Variants in TET3 observed in about 807,000 individuals in gnomAD.
TET3 encodes the protein methylcytosine dioxygenase TET3.
A neutral mutation model predicts 141.4 loss-of-function variants in TET3; 19 were observed. The observed-to-expected ratio is 0.13, with a 90% confidence interval of 0.09 to 0.20. TET3 has a LOEUF of 0.20. Ranked by LOEUF, TET3 falls within the 10% of genes least tolerant of loss-of-function variation. The pLI, the probability that TET3 is intolerant of heterozygous loss-of-function variation, is 1.00. For missense variants in TET3, 1,874 were observed against 2,356.9 expected (o/e 0.80, Z 4.24); for synonymous variants, 1,043 against 980.9 (o/e 1.06, Z -1.18).
At chr2:74,095,465 T>C (rs1409982213) in intron 10 of TET3, among the ~76,000 whole-genome samples, 3 of 152,210 alleles carry the variant, frequency 2.0e-5, no homozygotes, top group South Asian at 2.1e-4. Context: ...ATGAAAAGTA[T>C]TGTTTTTTCC....
At chr2:74,053,228 A>G (rs568217475) in intron 4 of TET3, among the ~76,000 whole-genome samples, 1 of 150,418 alleles carries the variant, frequency 6.6e-6, no homozygotes, top group Non-Finnish European at 1.5e-5. Context: ...ATATTTAAAA[A>G]TACTCATTGG....
At chr2:74,048,875 G>A (rs772604402) in intron 4 of TET3, among the ~76,000 whole-genome samples, 5 of 152,198 alleles carry the variant, frequency 3.3e-5, no homozygotes, top group Non-Finnish European at 5.9e-5. Context: ...TGGGTGAGGA[G>A]GATGGTGTCA....
At position 74,027,073 on chromosome 2, in the gene TET3, A is replaced by T. The variant is rs530980809; in HGVS notation, c.361-19205A>T. ...ACTTTCACTTGTAACCCAGTAGGGA[A>T]ATAAAAGGAGAGAGAAATGCTGATG... On this transcript the variant is annotated intron_variant, in intron 3 of 11. Coordinates refer to ENST00000409262, the MANE Select transcript of TET3 (RefSeq NM_001287491.2). Among the ~76,000 whole-genome samples, 4 of 152,328 alleles carry T rather than the reference A, an allele frequency of 2.6e-5. No individual in the cohort carries two copies. In the East Asian group the frequency reaches 7.7e-4, roughly 29 times the overall value.
intron 3 of TET3, among the ~76,000 whole-genome samples, chr2:74,039,176 G>A (rs947746910): frequency 1.3e-4 from 20 of 152,280 alleles, no homozygotes; most frequent in African/African-American, 4.8e-4. Flanking sequence ...CTGCCTTTGC[G>A]ATCAAGATAC....
chr2:74,001,524 T>C (rs1684848081), intron 2 of TET3, among the ~76,000 whole-genome samples: 1 of 152,184 alleles, frequency 6.6e-6, no homozygotes, highest in Non-Finnish European at 1.5e-5. Context: ...GAGAGGTAAG[T>C]TACAACCAGC....
intron 4 of TET3, among the ~76,000 whole-genome samples, chr2:74,065,962 G>T (rs4578887): frequency 0.34 from 52,116 of 151,766 alleles, 10,158 homozygotes; most frequent in African/African-American, 0.53. Flanking sequence ...TTTCACTGTG[G>T]TAGCCAAAAT....
At chr2:74,061,355 TGGCCGGGTGGGG>T (rs1423533426) in intron 4 of TET3, among the ~76,000 whole-genome samples, 1 of 109,174 alleles carries the variant, frequency 9.2e-6, no homozygotes, top group African/African-American at 3.8e-5. Context: ...ACGGGGCGGC[TGGCCGGGTGGGG>T]GGCTGACCCC....
the TET3 span, among the ~76,000 whole-genome samples, chr2:74,118,274 T>G: frequency 6.6e-6 from 1 of 152,326 alleles, no homozygotes; most frequent in East Asian, 1.9e-4. Context: ...ATGGTGGAAG[T>G]GCTCCCGAGA....
intron 3 of TET3, among the ~76,000 whole-genome samples, chr2:74,032,414 G>A (rs1051980772): frequency 6.6e-6 from 1 of 151,964 alleles, no homozygotes; most frequent in Non-Finnish European, 1.5e-5. Context: ...CATGGGGCTT[G>A]GGCGATGGCC....
At chr2:74,097,195 G>GCACACACGCACA (rs1553435450) in intron 10 of TET3, among the ~76,000 whole-genome samples, 2 of 137,960 alleles carry the variant, frequency 1.4e-5, no homozygotes, top group Non-Finnish European at 3.1e-5. Flanking sequence ...AGCCATACAT[G>GCACACACGCACA]CACACACACA....
intron 4 of TET3, among the ~76,000 whole-genome samples, chr2:74,056,484 A>G (rs2103780873): frequency 6.6e-6 from 1 of 152,264 alleles, no homozygotes; most frequent in East Asian, 1.9e-4. Flanking sequence ...CAAAAATTGG[A>G]TTTTGCTCTC....
intron 4 of TET3, among the ~76,000 whole-genome samples, chr2:74,066,121 C>G (rs1004768471): frequency 6.6e-6 from 1 of 152,184 alleles, no homozygotes; most frequent in Non-Finnish European, 1.5e-5. Flanking sequence ...GGGGTACTTA[C>G]AGCTACTAGA....
chr2:74,135,387 G>T, the TET3 span: 1 of 832,070 alleles, frequency 1.2e-6, no homozygotes, highest in Non-Finnish European at 1.9e-6. Flanking sequence ...AAAGGAACCT[G>T]AAACATTACT....
At chr2:74,004,699 C>A (rs557636875) in intron 3 of TET3, among the ~76,000 whole-genome samples, 1 of 152,084 alleles carries the variant, frequency 6.6e-6, no homozygotes, top group African/African-American at 2.4e-5. Flanking sequence ...GCAGTTGATA[C>A]GGGCGATACT....
At chr2:74,117,960 G>A in the TET3 span, among the ~76,000 whole-genome samples, 4,958 of 152,066 alleles carry the variant, frequency 0.033, 293 homozygotes, top group African/African-American at 0.11. Flanking sequence ...TGGCCAGGCT[G>A]GTCTCGAACT....
chr2:74,042,403 A>G (rs1573767106), intron 3 of TET3, among the ~76,000 whole-genome samples: 1 of 152,248 alleles, frequency 6.6e-6, no homozygotes, highest in Non-Finnish European at 1.5e-5. Flanking sequence ...CTATGTAAGG[A>G]GTAGCCACTG....
At chr2:74,092,633 G>T (rs1388995243) in intron 8 of TET3, among the ~76,000 whole-genome samples, 1 of 152,330 alleles carries the variant, frequency 6.6e-6, no homozygotes, top group East Asian at 1.9e-4. Flanking sequence ...GCTGAACTGG[G>T]CGGGAGCCTG....
intron 8 of TET3, 65 bp downstream of exon 8, chr2:74,090,112 G>A (rs1690393445): frequency 1.3e-6 from 2 of 1,591,900 alleles, no homozygotes; most frequent in Non-Finnish European, 1.7e-6. Context: ...TCATGGTCCA[G>A]CGGGAGGTAG....
At chr2:74,042,941 C>T (rs1042997349) in intron 3 of TET3, among the ~76,000 whole-genome samples, 4 of 152,120 alleles carry the variant, frequency 2.6e-5, no homozygotes, top group Non-Finnish European at 5.9e-5. Context: ...CTTTTTGGTC[C>T]GAGGAGCATT....
Sources: gnomAD v4.1 joint callset for allele counts (sites outside exome capture counted in the v4.1 genomes callset) on GRCh38, gnomAD v4.1.1 for gene constraint, MANE v1.5 for transcripts, NCBI Gene and HGNC (gene_info 2026-07-23, HGNC 2026-07-21) for gene names.